Variants in ADAM9 observed in about 807,000 individuals in gnomAD.
ADAM9 encodes the protein disintegrin and metalloproteinase domain-containing protein 9.
A neutral mutation model predicts 108.1 loss-of-function variants in ADAM9; 54 were observed. The observed-to-expected ratio is 0.50, with a 90% CI of 0.40 to 0.63. The LOEUF is 0.63. Among genes scored for constraint, ADAM9 ranks in the 20% least tolerant of loss-of-function variants. The probability of loss-of-function intolerance (pLI) is 0.00; values close to 1 mark genes in which losing one functional copy is unlikely to be tolerated. For missense variants in ADAM9, 830 were observed against 997.7 expected, an observed-to-expected ratio of 0.83 and a Z score of 2.26; for synonymous variants, 316 against 336.0, an observed-to-expected ratio of 0.94 and a Z score of 0.65.
intron 1 of ADAM9, among the ~76,000 whole-genome samples, chr8:39,005,403 A>G (rs1836130315): frequency 6.6e-6 from 1 of 152,242 alleles, no homozygotes; most frequent in African/African-American, 2.4e-5. Context: ...CACAAAGATT[A>G]CAATAGCAAT....
intron 2 of ADAM9, among the ~76,000 whole-genome samples, chr8:39,010,959 G>A (rs1836336300): frequency 6.6e-6 from 1 of 152,028 alleles, no homozygotes; most frequent in Admixed American, 6.6e-5. Flanking sequence ...CGGGTGTGTT[G>A]GTGGACGCCT....
At chr8:39,041,889 C>T in intron 11 of ADAM9, 57 bp from the exon 12 acceptor site, 1 of 1,533,130 alleles carries the variant, frequency 6.5e-7, no homozygotes, top group Non-Finnish European at 9.0e-7. Context: ...CATGACTTAA[C>T]ATTTTCAAAG....
At chr8:39,062,190 A>G (rs773964484) in intron 14 of ADAM9, among the ~76,000 whole-genome samples, 41 of 152,340 alleles carry the variant, frequency 2.7e-4, no homozygotes, top group South Asian at 1.2e-3. Context: ...AACGTTCAGT[A>G]TATAACCATT....
At chr8:39,100,492 C>CAA (rs1186138731) in intron 20 of ADAM9, among the ~76,000 whole-genome samples, 3 of 103,144 alleles carry the variant, frequency 2.9e-5, no homozygotes, top group East Asian at 2.8e-4. Context: ...GACTCCGTCT[C>CAA]AAAAAAAAAA....
Position 39,066,864 on chromosome 8 carries a change from C to G in ADAM9, c.1592-4434C>G, listed in dbSNP as rs1838495441. Among the ~76,000 whole-genome samples, 2 of 152,118 alleles carry G rather than the reference C, an allele frequency of 1.3e-5. 1 individual carries two copies. Among genetic ancestry groups the G allele is most frequent in the South Asian group, 4.1e-4 (2 of 4,824 alleles). On this transcript the variant is annotated intron_variant, in intron 14 of 21. Transcript: ENST00000487273. ...TGAATGGTATTGCCTAGGTTTTCTTCTAGGGTTTGTATGATTTTGGGTCTA... is the reference window on the plus strand; with the variant it reads ...TGAATGGTATTGCCTAGGTTTTCTTGTAGGGTTTGTATGATTTTGGGTCTA...
In ADAM9 at chr8:39,028,665, A is replaced by C. The variant is rs576246330; in HGVS notation, c.1130+1855A>C. 1.7e-3 allele frequency among the ~76,000 whole-genome samples: 256 copies of C among 152,330 alleles called. 1 individual carries two copies. The highest frequency in any genetic ancestry group is 3.2e-3 in the Non-Finnish European group (216 of 68,028). On this transcript the variant is annotated intron_variant, in intron 11 of 21. Coordinates refer to ENST00000487273, the MANE Select transcript of ADAM9 (RefSeq NM_003816.3). ...CCAACTTGTCAAACATTTATTGAGC[A>C]CTGACCACCTGCCAGACTTTGTTCT...
intron 12 of ADAM9, 144 bp from the exon 13 acceptor site, chr8:39,054,337 G>C (rs546050351): frequency 9.7e-6 from 7 of 719,054 alleles, no homozygotes; most frequent in Non-Finnish European, 1.7e-5. Context: ...GTTAAATCCA[G>C]AAACAGTAAG....
chr8:38,998,524 C>G (rs1481889963), intron 1 of ADAM9, among the ~76,000 whole-genome samples: 1 of 152,222 alleles, frequency 6.6e-6, no homozygotes, highest in Non-Finnish European at 1.5e-5. Context: ...TTTTGGCCAG[C>G]TCCTCACTTC....
chr8:39,040,879 G>A (rs1410847246), intron 11 of ADAM9, among the ~76,000 whole-genome samples: 1 of 152,052 alleles, frequency 6.6e-6, no homozygotes, highest in African/African-American at 2.4e-5. Flanking sequence ...ATGGTTCTGG[G>A]GTAACTGGAT....
At chr8:39,024,695 A>G (rs544473486) in intron 9 of ADAM9, among the ~76,000 whole-genome samples, 30 of 152,346 alleles carry the variant, frequency 2.0e-4, no homozygotes, top group African/African-American at 6.7e-4. Context: ...ACTGGGACAT[A>G]GCAGTGAACA....
At chr8:39,087,078 C>G (rs1446310635) in intron 18 of ADAM9, among the ~76,000 whole-genome samples, 1 of 152,196 alleles carries the variant, frequency 6.6e-6, no homozygotes, top group Non-Finnish European at 1.5e-5. Flanking sequence ...TAGCTCTCTT[C>G]CCTTTGGTAC....
At chr8:39,049,409 A>G (rs1305302307) in intron 12 of ADAM9, among the ~76,000 whole-genome samples, 1 of 151,190 alleles carries the variant, frequency 6.6e-6, no homozygotes, top group African/African-American at 2.4e-5. Flanking sequence ...ACAATCTATT[A>G]ATATTGTGTA....
At position 39,045,568 on chromosome 8, in the gene ADAM9, G is replaced by GTATATATATATA. The variant is rs1354034713; in HGVS notation, c.1302+3452_1302+3453insATATATATATAT. Among the ~76,000 whole-genome samples, 727 of 139,272 alleles carry GTATATATATATA rather than the reference G, an allele frequency of 5.2e-3. 14 individuals are homozygous for GTATATATATATA. Among genetic ancestry groups the GTATATATATATA allele is most frequent in the African/African-American group, 0.018 (683 of 37,974 alleles). The allele number at this position is 139,272 out of a possible 152,430, so 91.4% of individuals were successfully genotyped here. A position where few individuals can be genotyped will look rare whatever the true frequency, so the allele number is the denominator to read the frequency against. ...TATGTGTGTGTGTATATGTGTGTGTGTGTATATATATATATATATAAAAGA... is the reference window on the plus strand; with the variant it reads ...TATGTGTGTGTGTATATGTGTGTGTGTATATATATATATGTATATATATATATATATAAAAGA... On this transcript the variant is annotated intron_variant, in intron 12 of 21. Transcript: ENST00000487273.
chr8:39,003,789 T>A (rs1836078272), intron 1 of ADAM9, among the ~76,000 whole-genome samples: 1 of 152,254 alleles, frequency 6.6e-6, no homozygotes, highest in African/African-American at 2.4e-5. Context: ...TTCAGGGTGC[T>A]ATAATTTTGA....
chr8:39,013,375 T>G (rs549977245), intron 3 of ADAM9, among the ~76,000 whole-genome samples: 1 of 57,474 alleles, frequency 1.7e-5, no homozygotes, highest in African/African-American at 7.1e-5. Flanking sequence ...TTATTTATGT[T>G]GTCTTAAATT....
Position 39,082,638 on chromosome 8 carries a change from C to A in ADAM9, c.1882-3C>A, listed in dbSNP as rs200072459. 2.0e-6 allele frequency: 3 copies of A among 1,536,164 alleles called. No homozygotes were observed. Among genetic ancestry groups the A allele is most frequent in the Non-Finnish European group, 2.6e-6 (3 of 1,136,872 alleles). ...TTACTTAGTTCATTTTTTTTTTTTTCAGATCTGTAGAAACTTCCAGTGTGT... is the reference window on the plus strand; with the variant it reads ...TTACTTAGTTCATTTTTTTTTTTTTAAGATCTGTAGAAACTTCCAGTGTGT... On this transcript the variant is annotated splice_region_variant and splice_polypyrimidine_tract_variant and intron_variant, in intron 16 of 21. Transcript: ENST00000487273.
intron 15 of ADAM9, among the ~76,000 whole-genome samples, chr8:39,073,829 G>A (rs1389349835): frequency 6.6e-6 from 1 of 152,122 alleles, no homozygotes; most frequent in Admixed American, 6.6e-5. Flanking sequence ...CATTTAGGAA[G>A]CATTTTATGT....
At chr8:39,067,970 G>A (rs983703427) in intron 14 of ADAM9, among the ~76,000 whole-genome samples, 1 of 152,140 alleles carries the variant, frequency 6.6e-6, no homozygotes, top group Non-Finnish European at 1.5e-5. Flanking sequence ...GTTGAATTTT[G>A]TCAAAGGCCT....
chr8:39,102,459 C>T (rs1432184095), intron 21 of ADAM9, among the ~76,000 whole-genome samples: 1 of 152,156 alleles, frequency 6.6e-6, no homozygotes, highest in East Asian at 1.9e-4. Flanking sequence ...TCTACAAACT[C>T]ACAGGGCAGA....
Sources: allele counts gnomAD v4.1 joint callset (sites outside exome capture counted in the v4.1 genomes callset), GRCh38; gene constraint gnomAD v4.1.1; transcripts MANE v1.5; gene names NCBI Gene and HGNC (gene_info 2026-07-23, HGNC 2026-07-21).